The following CD109 variants were observed in gnomAD, a reference collection of about 807,000 sequenced individuals.
CD109 encodes CD109 molecule.
CD109 carries 149 observed loss-of-function variants against 165.8 expected under a neutral mutation model. The ratio of observed to expected loss-of-function variants is 0.90; its 90% CI spans 0.79 to 1.03. The LOEUF is 1.03. Among genes scored for constraint, CD109 ranks in the 50% least tolerant of loss-of-function variants. The pLI, the probability that CD109 is intolerant of heterozygous loss-of-function variation, is 0.00. For synonymous variants in CD109, 585 were observed against 592.1 expected (o/e 0.99, Z 0.18); for missense variants, 1,712 against 1,677.8 (o/e 1.02, Z -0.36).
chr6:73,810,216 A>G (rs1373058379), intron 27 of CD109, 42 bp downstream of exon 27: 4 of 595,578 alleles, frequency 6.7e-6, no homozygotes, highest in South Asian at 6.3e-5. Flanking sequence ...ATAATATATA[A>G]TATAGATTTA....
intron 5 of CD109, among the ~76,000 whole-genome samples, chr6:73,753,344 CTGAATTATTATTAATTT>C (rs920932952): frequency 2.0e-5 from 3 of 152,092 alleles, no homozygotes; most frequent in African/African-American, 7.2e-5. Flanking sequence ...TATTAATTCT[CTGAATTATTATTAATTT>C]TAAATATTTC....
intron 3 of CD109, among the ~76,000 whole-genome samples, chr6:73,725,313 G>A (rs1374667678): frequency 6.6e-6 from 1 of 152,124 alleles, no homozygotes; most frequent in African/African-American, 2.4e-5. Context: ...TGGGGTTTAA[G>A]CTCAGGAATC....
the CD109 span, among the ~76,000 whole-genome samples, chr6:73,681,708 T>C: frequency 1.9e-3 from 290 of 152,094 alleles, 1 homozygote; most frequent in African/African-American, 6.7e-3. Flanking sequence ...GTTCAAGTGA[T>C]TCTCCTGTCT....
intron 32 of CD109, among the ~76,000 whole-genome samples, chr6:73,822,804 C>T (rs887019520): frequency 5.9e-5 from 9 of 151,972 alleles, no homozygotes; most frequent in East Asian, 3.8e-4. Context: ...AACACATTTA[C>T]GATATGGAAA....
rs150882913 is a variant in CD109, at chr6:73,775,263, G to A, written c.1827+3682G>A. ...TTATGGAATACATATAGGCAGTATA[G>A]TGGTTACTGTAGTGAAGCAAATTTA... is the stretch of plus-strand genomic sequence containing the variant. On this transcript the variant is annotated intron_variant, in intron 15 of 32. Coordinates refer to ENST00000287097, the MANE Select transcript of CD109 (RefSeq NM_133493.5). Among the ~76,000 whole-genome samples the A allele has an allele frequency of 1.1e-3, 166 of 152,150 alleles. 1 individual carries two copies. The highest frequency in any genetic ancestry group is 3.9e-3 in the African/African-American group (160 of 41,510).
chr6:73,810,133 A>T lies in CD109; in HGVS notation c.3505A>T (p.Ser1169Cys), dbSNP rs142165035. 3.1e-5 allele frequency: 49 copies of T among 1,606,452 alleles called. No homozygotes were observed. In the African/African-American group the frequency reaches 6.4e-4, roughly 21 times the overall value. ...SEGIPIMRWL[S>C]RQRNSLGGFA... Reference sequence around the variant, plus strand: ...GGGAATCCCAATTATGAGGTGGCTAAGCAGGCAAAGAAATAGCTTGGGTGG... The same window carrying T: ...GGGAATCCCAATTATGAGGTGGCTATGCAGGCAAAGAAATAGCTTGGGTGG... The change falls in exon 27 of 33, where the codon AGC (serine) becomes TGC (cysteine). Residue 1169 changes from serine to cysteine, a missense_variant. Coordinates refer to ENST00000287097, the MANE Select transcript of CD109 (RefSeq NM_133493.5).
chr6:73,680,857 T>C, the CD109 span, among the ~76,000 whole-genome samples: 1 of 152,270 alleles, frequency 6.6e-6, no homozygotes, highest in Non-Finnish European at 1.5e-5. Context: ...AGGACAAAAG[T>C]GGAAGAGCCA....
intron 14 of CD109, among the ~76,000 whole-genome samples, chr6:73,769,816 C>T (rs1773974130): frequency 6.6e-6 from 1 of 152,140 alleles, no homozygotes; most frequent in Non-Finnish European, 1.5e-5. Context: ...ATGCTGCTCC[C>T]TCTCCCCCAT....
rs1428700869 is a variant in CD109 at position 73,827,542 on chromosome 6, T to C, written c.*3909T>C. 1 of 152,212 alleles carries C rather than the reference T, an allele frequency of 6.6e-6. No individual in the cohort carries two copies. The highest frequency in any genetic ancestry group is 2.4e-5 in the African/African-American group (1 of 41,458). 9.4% of individuals were successfully genotyped at this position (152,212 alleles called of 1,614,324 possible). A position where few individuals can be genotyped will look rare whatever the true frequency, so the allele number is the denominator to read the frequency against. ...TTTGAGGTGCAATTATTTTTATTAC[T>C]ACTTTGAATAGAGGACCATTATCCT... On this transcript the variant is annotated 3_prime_UTR_variant, in exon 33 of 33. Transcript: ENST00000287097.
chr6:73,805,170 G>A (rs559062713), intron 24 of CD109, among the ~76,000 whole-genome samples: 226 of 152,322 alleles, frequency 1.5e-3, no homozygotes, highest in Non-Finnish European at 2.5e-3. Flanking sequence ...GATTGTTACC[G>A]TGTCTGTGTA....
intron 2 of CD109, among the ~76,000 whole-genome samples, chr6:73,706,552 G>A (rs905105698): frequency 1.3e-5 from 2 of 152,124 alleles, no homozygotes; most frequent in Non-Finnish European, 2.9e-5. Flanking sequence ...TTGTCTAGGA[G>A]GATTAAAGTG....
Position 73,762,876 on chromosome 6 carries a change from G to A in CD109, c.991G>A (p.Val331Ile). 3 of 1,608,980 alleles carry A rather than the reference G, an allele frequency of 1.9e-6. No individual in the cohort carries two copies. Among genetic ancestry groups the A allele is most frequent in the South Asian group, 1.1e-5 (1 of 89,656 alleles). Residue 331 changes from valine to isoleucine, a missense_variant, in exon 9 of 33, where the codon GTT becomes ATT. Coordinates refer to ENST00000287097, the MANE Select transcript of CD109 (RefSeq NM_133493.5). ...AATTTTAACCACAGTGACAGAATCA[G>A]TTACAGGTTTGTAGACTTTAAAGTG... is the stretch of plus-strand genomic sequence containing the variant. ...VEILTTVTES[V>I]TGISRNVSTN...
intron 15 of CD109, among the ~76,000 whole-genome samples, chr6:73,773,137 AC>A (rs1325892517): frequency 1.3e-5 from 2 of 150,706 alleles, no homozygotes; most frequent in Non-Finnish European, 3.0e-5. Context: ...ATACACACAC[AC>A]CCCATCTGAT....
At chr6:73,707,964 A>ATT (rs1417176450) in intron 2 of CD109, among the ~76,000 whole-genome samples, 7 of 1,060 alleles carry the variant, frequency 6.6e-3, no homozygotes, top group Admixed American at 0.02. Context: ...TGTTATCTTT[A>ATT]TATATATATA....
At chr6:73,732,078 T>G (rs776374296) in intron 4 of CD109, among the ~76,000 whole-genome samples, 1 of 152,138 alleles carries the variant, frequency 6.6e-6, no homozygotes, top group Non-Finnish European at 1.5e-5. Flanking sequence ...GGACATTTGA[T>G]CATTACTTGG....
intron 5 of CD109, among the ~76,000 whole-genome samples, chr6:73,737,469 AATG>A (rs1772589863): frequency 3.4e-5 from 1 of 29,222 alleles, no homozygotes; most frequent in African/African-American, 3.5e-4. Context: ...AGCTCTACCG[AATG>A]AATGTATGAT....
intron 18 of CD109, among the ~76,000 whole-genome samples, chr6:73,783,048 A>G (rs141546335): frequency 6.6e-6 from 1 of 151,514 alleles, no homozygotes; most frequent in African/African-American, 2.4e-5. Flanking sequence ...TTGAAGAAAA[A>G]TTGCTGGGAG....
chr6:73,805,445 A>G (rs1775526428), intron 24 of CD109, among the ~76,000 whole-genome samples: 1 of 152,226 alleles, frequency 6.6e-6, no homozygotes, highest in African/African-American at 2.4e-5. Context: ...GATGGAACAT[A>G]CAATCGGATT....
At chr6:73,696,119 G>T, upstream of CD109, 1 of 1,198,554 alleles carries the variant, frequency 8.3e-7, no homozygotes, top group Non-Finnish European at 1.2e-6. Flanking sequence ...CTCGAATTAA[G>T]AGGGAAAAAA....
Sources: gnomAD v4.1 joint callset for allele counts (sites outside exome capture counted in the v4.1 genomes callset) on GRCh38, gnomAD v4.1.1 for gene constraint, MANE v1.5 for transcripts, NCBI Gene and HGNC (gene_info 2026-07-23, HGNC 2026-07-21) for gene names.